The following SEMA5A variants were observed in gnomAD, a reference collection of about 807,000 sequenced individuals.
The protein encoded by SEMA5A is semaphorin-5A.
Under a neutral mutation model 135.5 loss-of-function variants are expected in SEMA5A, and 55 were observed. The observed-to-expected ratio is 0.41, with a 90% CI of 0.33 to 0.51. The LOEUF (loss-of-function observed/expected upper bound fraction) is 0.51. SEMA5A is among the 20% of genes least tolerant of loss of function. The pLI is 0.37. For synonymous variants in SEMA5A, 580 were observed against 546.5 expected (o/e 1.06, Z -0.85); for missense variants, 1,290 against 1,419.9 (o/e 0.91, Z 1.47).
intron 12 of SEMA5A, among the ~76,000 whole-genome samples, chr5:9,152,658 C>T (rs1023834377): frequency 3.3e-5 from 5 of 152,200 alleles, no homozygotes; most frequent in Non-Finnish European, 7.3e-5. Context: ...TAAGAATACT[C>T]ACTTTGCAGA....
At chr5:9,199,749 C>T (rs1057500585) in intron 9 of SEMA5A, among the ~76,000 whole-genome samples, 1 of 152,184 alleles carries the variant, frequency 6.6e-6, no homozygotes, top group Admixed American at 6.5e-5. Context: ...TTACTATCTA[C>T]ACTATAAACA....
chr5:9,420,825 C>T (rs1757439995), intron 2 of SEMA5A, among the ~76,000 whole-genome samples: 1 of 151,950 alleles, frequency 6.6e-6, no homozygotes, highest in African/African-American at 2.4e-5. Flanking sequence ...CTAGCCTGGC[C>T]AATATGGTGA....
rs1351286239 is a variant in SEMA5A at position 9,037,207 on chromosome 5, T to G, written c.*5690A>C. On this transcript the variant is annotated 3_prime_UTR_variant, in exon 23 of 23. Coordinates refer to ENST00000382496, the MANE Select transcript of SEMA5A (RefSeq NM_003966.3). ...TCTGAAAGTGCCCTTGACTAGTTCC[T>G]GCCATTGCGCCAACACTGTAAAACA... 1 of 152,212 alleles carries G rather than the reference T, an allele frequency of 6.6e-6. No homozygotes were observed. The highest frequency in any genetic ancestry group is 1.5e-5 in the Non-Finnish European group (1 of 68,042). The allele number at this position is 152,212 out of a possible 1,614,324, so 9.4% of individuals were successfully genotyped here.
intron 4 of SEMA5A, among the ~76,000 whole-genome samples, chr5:9,328,203 C>T (rs1004326204): frequency 5.3e-5 from 8 of 152,108 alleles, no homozygotes; most frequent in African/African-American, 1.2e-4. Context: ...AGAACTGAAA[C>T]GTGTCTCAAA....
chr5:9,506,257 C>T (rs1561305827), intron 1 of SEMA5A, among the ~76,000 whole-genome samples: 1 of 152,142 alleles, frequency 6.6e-6, no homozygotes, highest in African/African-American at 2.4e-5. Context: ...TGAGGAGTTG[C>T]TAAAGTTGCC....
At chr5:9,363,032 G>T (rs1425364370) in intron 3 of SEMA5A, among the ~76,000 whole-genome samples, 3 of 152,084 alleles carry the variant, frequency 2.0e-5, no homozygotes, top group African/African-American at 7.2e-5. Flanking sequence ...TTTGAATAGG[G>T]TCAGGAAAAT....
intron 12 of SEMA5A, among the ~76,000 whole-genome samples, chr5:9,146,083 C>A (rs1288078447): frequency 2.6e-5 from 4 of 152,174 alleles, no homozygotes; most frequent in Non-Finnish European, 5.9e-5. Flanking sequence ...AGGACACATT[C>A]TCTTTGTAAA....
chr5:9,041,159 T>C lies in SEMA5A; in HGVS notation c.*1738A>G, dbSNP rs1735946067. ...ACTGTGTCATCTCTGTAAATCTGGG[T>C]ATATGAGAATATTTTGAACTCAACA... On this transcript the variant is annotated 3_prime_UTR_variant, in exon 23 of 23. Coordinates refer to ENST00000382496, the MANE Select transcript of SEMA5A (RefSeq NM_003966.3). The C allele has an allele frequency of 6.6e-6, 1 of 152,226 alleles. No individual in the cohort carries two copies. Among genetic ancestry groups the C allele is most frequent in the Non-Finnish European group, 1.5e-5 (1 of 68,040 alleles). 9.4% of individuals were successfully genotyped at this position (152,226 alleles called of 1,614,324 possible). A position where few individuals can be genotyped will look rare whatever the true frequency, so the allele number is the denominator to read the frequency against.
chr5:9,128,593 GATGAAA>G (rs1741239815), intron 13 of SEMA5A, among the ~76,000 whole-genome samples: 1 of 152,030 alleles, frequency 6.6e-6, no homozygotes, highest in Non-Finnish European at 1.5e-5. Context: ...TATACCACAG[GATGAAA>G]ATAGTCCTTA....
chr5:9,384,701 TAGATAGATAGATAGACAGACAGAC>T (rs1561208462), intron 2 of SEMA5A, among the ~76,000 whole-genome samples: 27 of 142,256 alleles, frequency 1.9e-4, no homozygotes, highest in African/African-American at 7.3e-4. Flanking sequence ...GATAGATAGA[TAGATAGATAGATAGACAGACAGAC>T]AGACAGACAG....
At chr5:9,356,220 T>C (rs1368904905) in intron 3 of SEMA5A, among the ~76,000 whole-genome samples, 1 of 152,180 alleles carries the variant, frequency 6.6e-6, no homozygotes, top group Non-Finnish European at 1.5e-5. Flanking sequence ...ATTAGATGGT[T>C]TACTAACATA....
At chr5:9,381,554 C>A (rs996402991) in intron 2 of SEMA5A, among the ~76,000 whole-genome samples, 1 of 152,160 alleles carries the variant, frequency 6.6e-6, no homozygotes, top group Non-Finnish European at 1.5e-5. Context: ...AGAACACATT[C>A]TTTAAGACAC....
chr5:9,313,175 A>T (rs1208643654), intron 5 of SEMA5A, among the ~76,000 whole-genome samples: 1 of 152,302 alleles, frequency 6.6e-6, no homozygotes, highest in South Asian at 2.1e-4. Context: ...CTTTCTCATC[A>T]TTGTTGCTAA....
chr5:9,269,251 G>C (rs1184570434), intron 5 of SEMA5A, among the ~76,000 whole-genome samples: 1 of 152,086 alleles, frequency 6.6e-6, no homozygotes, highest in Non-Finnish European at 1.5e-5. Flanking sequence ...AGACACCTTG[G>C]CGCCAGATGG....
At chr5:9,315,317 A>G (rs924435014) in intron 5 of SEMA5A, among the ~76,000 whole-genome samples, 2 of 152,186 alleles carry the variant, frequency 1.3e-5, no homozygotes, top group African/African-American at 4.8e-5. Flanking sequence ...TACAGAAATG[A>G]TATCCATTAT....
chr5:9,237,656 A>C, intron 6 of SEMA5A, 172 bp downstream of exon 6: 1 of 443,424 alleles, frequency 2.3e-6, no homozygotes, highest in Non-Finnish European at 3.9e-6. Context: ...GCTGGGGTTA[A>C]TTTTAATTTA....
intron 16 of SEMA5A, among the ~76,000 whole-genome samples, chr5:9,104,696 T>C (rs1314733265): frequency 6.6e-6 from 1 of 152,174 alleles, no homozygotes; most frequent in Admixed American, 6.5e-5. Flanking sequence ...AATCTCACAG[T>C]GACTCAGAGG....
intron 2 of SEMA5A, among the ~76,000 whole-genome samples, chr5:9,425,436 C>T (rs1757613535): frequency 6.6e-6 from 1 of 152,154 alleles, no homozygotes; most frequent in African/African-American, 2.4e-5. Context: ...CTCATGGTCA[C>T]TTTGACTGCA....
At chr5:9,306,812 A>G (rs1384519676) in intron 5 of SEMA5A, among the ~76,000 whole-genome samples, 8 of 152,156 alleles carry the variant, frequency 5.3e-5, no homozygotes, top group African/African-American at 1.9e-4. Context: ...TAAATGCTTT[A>G]TTTTAAATCA....
Sources: gnomAD v4.1 joint callset for allele counts (sites outside exome capture counted in the v4.1 genomes callset) on GRCh38, gnomAD v4.1.1 for gene constraint, MANE v1.5 for transcripts, NCBI Gene and HGNC (gene_info 2026-07-23, HGNC 2026-07-21) for gene names.